The following CDH3 variants were observed in gnomAD, a reference collection of about 807,000 sequenced individuals.
CDH3 encodes the protein cadherin 3, also known as cadherin-3.
A neutral mutation model predicts 82.0 loss-of-function variants in CDH3; 54 were observed. The ratio of observed to expected loss-of-function variants is 0.66; its 90% CI spans 0.53 to 0.83. The LOEUF (loss-of-function observed/expected upper bound fraction) is 0.83, where lower values mean the gene tolerates loss of function less well. Ranked by LOEUF, CDH3 falls within the 40% of genes least tolerant of loss-of-function variation. CDH3 has a pLI of 0.00. For missense variants in CDH3, 1,054 were observed against 1,084.6 expected (o/e 0.97, Z 0.40); for synonymous variants, 446 against 437.9 (o/e 1.02, Z -0.23).
At chr16:68,730,120 C>T (rs1249966131), downstream of CDH3, among the ~76,000 whole-genome samples, 1 of 152,002 alleles carries the variant, frequency 6.6e-6, no homozygotes, top group Admixed American at 6.6e-5. Flanking sequence ...GTAATCCCAG[C>T]TACTCAGGAG....
At chr16:68,729,538 A>C (rs896352870), downstream of CDH3, among the ~76,000 whole-genome samples, 1 of 152,206 alleles carries the variant, frequency 6.6e-6, no homozygotes, top group Non-Finnish European at 1.5e-5. Flanking sequence ...AAAAAGATGA[A>C]CAAAAAGGGA....
intron 2 of CDH3, among the ~76,000 whole-genome samples, chr16:68,666,771 C>A (rs1960745265): frequency 6.6e-6 from 1 of 152,112 alleles, no homozygotes; most frequent in Admixed American, 6.5e-5. Flanking sequence ...CTTTTTTCCC[C>A]CCTCTGCAAA....
chr16:68,731,226 G>T (rs902178960), downstream of CDH3, among the ~76,000 whole-genome samples: 2 of 133,890 alleles, frequency 1.5e-5, no homozygotes, highest in Non-Finnish European at 3.1e-5. Flanking sequence ...CAGGTGTGGT[G>T]GCGCATGCCT....
At chr16:68,652,736 A>G (rs1960283857) in intron 2 of CDH3, among the ~76,000 whole-genome samples, 1 of 152,188 alleles carries the variant, frequency 6.6e-6, no homozygotes, top group African/African-American at 2.4e-5. Flanking sequence ...CCTTCTCTCA[A>G]GATAACCACT....
chr16:68,711,224 C>T (rs1487697922), intron 1 of CDH3, among the ~76,000 whole-genome samples: 1 of 151,502 alleles, frequency 6.6e-6, no homozygotes, highest in Non-Finnish European at 1.5e-5. Context: ...GCAGGAGAAT[C>T]GCTTGAACCC....
intron 2 of CDH3, among the ~76,000 whole-genome samples, chr16:68,661,337 C>T (rs1960572458): frequency 6.6e-6 from 1 of 152,172 alleles, no homozygotes; most frequent in Admixed American, 6.5e-5. Context: ...GGGCAAGTTA[C>T]TTAACCTCTG....
intron 2 of CDH3, among the ~76,000 whole-genome samples, chr16:68,669,889 T>G (rs1481357077): frequency 2.6e-5 from 4 of 151,680 alleles, no homozygotes; most frequent in Admixed American, 2.0e-4. Flanking sequence ...GAGGCCAAGG[T>G]GGGAGGGTCA....
At chr16:68,729,020 C>T (rs994706432), downstream of CDH3, among the ~76,000 whole-genome samples, 1 of 152,132 alleles carries the variant, frequency 6.6e-6, no homozygotes, top group African/African-American at 2.4e-5. Context: ...AAACAAAATG[C>T]AGGGCTGGGC....
intron 2 of CDH3, among the ~76,000 whole-genome samples, chr16:68,647,536 C>A (rs1960110772): frequency 6.6e-6 from 1 of 152,074 alleles, no homozygotes; most frequent in Admixed American, 6.6e-5. Flanking sequence ...GGTGGGTTTG[C>A]GCCAGGAGCA....
chr16:68,677,864 C>T (rs1318395429), intron 3 of CDH3, among the ~76,000 whole-genome samples: 1 of 152,128 alleles, frequency 6.6e-6, no homozygotes, highest in African/African-American at 2.4e-5. Flanking sequence ...CACTGGTCCT[C>T]CTGTATAAGT....
chr16:68,658,779 C>T (rs975206250), intron 2 of CDH3, among the ~76,000 whole-genome samples: 3 of 152,192 alleles, frequency 2.0e-5, no homozygotes, highest in Non-Finnish European at 4.4e-5. Flanking sequence ...AAGTCTCCTG[C>T]ATTCCTCAGC....
chr16:68,718,237 C>A (rs1435041462), intron 1 of CDH3, among the ~76,000 whole-genome samples: 2 of 152,166 alleles, frequency 1.3e-5, no homozygotes, highest in African/African-American at 4.8e-5. Flanking sequence ...CTTCTGAGCT[C>A]AAGTGATCCT....
chr16:68,662,669 C>T (rs563041108), intron 2 of CDH3, among the ~76,000 whole-genome samples: 31 of 151,032 alleles, frequency 2.1e-4, no homozygotes, highest in Admixed American at 1.8e-3. Flanking sequence ...CTCAGCCTCC[C>T]GAGTAGCTGG....
Position 68,698,724 on chromosome 16 carries a change from A to G in CDH3, c.*324A>G. 2.9e-6 allele frequency: 1 copy of G among 341,200 alleles called. No individual in the cohort carries two copies. The highest frequency in any genetic ancestry group is 4.7e-5 in the South Asian group (1 of 21,364). 21.1% of individuals were successfully genotyped at this position (341,200 alleles called of 1,614,324 possible). A position where few individuals can be genotyped will look rare whatever the true frequency, so the allele number is the denominator to read the frequency against. ...CCTGGGCCTGCTGTGACTGACCTACAGTGGACTTTCTCTCTGGAATGGAAC... is the reference window on the plus strand; with the variant it reads ...CCTGGGCCTGCTGTGACTGACCTACGGTGGACTTTCTCTCTGGAATGGAAC... On this transcript the variant is annotated 3_prime_UTR_variant, in exon 16 of 16. Transcript: ENST00000264012.
chr16:68,670,076 T>C (rs1340048809), intron 2 of CDH3, among the ~76,000 whole-genome samples: 3 of 151,774 alleles, frequency 2.0e-5, no homozygotes, highest in African/African-American at 4.8e-5. Flanking sequence ...TACAAAAAAT[T>C]AGCCGGGCCT....
intron 1 of CDH3, among the ~76,000 whole-genome samples, chr16:68,708,399 G>A (rs1030023683): frequency 9.7e-6 from 1 of 103,562 alleles, no homozygotes; most frequent in Non-Finnish European, 2.3e-5. Context: ...AAACGCTGAA[G>A]TTTCACTCCA....
At chr16:68,668,350 G>A (rs1008364188) in intron 2 of CDH3, among the ~76,000 whole-genome samples, 23 of 152,082 alleles carry the variant, frequency 1.5e-4, no homozygotes, top group African/African-American at 5.6e-4. Context: ...AGTTTACTTC[G>A]CTGACTATTA....
chr16:68,648,267 T>A (rs967632813), intron 2 of CDH3, among the ~76,000 whole-genome samples: 3 of 152,180 alleles, frequency 2.0e-5, no homozygotes, highest in Admixed American at 2.0e-4. Context: ...CCTCCTGGTA[T>A]ATGCCCAGGG....
In CDH3 at chr16:68,678,675, C is replaced by G. The variant is rs377449804; in HGVS notation, c.546+19C>G. 25 of 1,614,060 alleles carry G rather than the reference C, an allele frequency of 1.5e-5. No homozygotes were observed. Among genetic ancestry groups the G allele is most frequent in the Non-Finnish European group, 2.1e-5 (25 of 1,180,018 alleles). On this transcript the variant is annotated intron_variant, in intron 5 of 15. Coordinates refer to ENST00000264012, the MANE Select transcript of CDH3 (RefSeq NM_001793.6). ...GTATGAGGCAAGTAGCCTTTAGTGT[C>G]TACTGTAAATGTCCCCTCAGAAGTG...
Sources: allele counts gnomAD v4.1 joint callset (sites outside exome capture counted in the v4.1 genomes callset), GRCh38; gene constraint gnomAD v4.1.1; transcripts MANE v1.5; gene names NCBI Gene and HGNC (gene_info 2026-07-23, HGNC 2026-07-21).